Variants in ALCAM observed in about 807,000 individuals in gnomAD.
The protein encoded by ALCAM is activated leukocyte cell adhesion molecule.
In ALCAM, 30 loss-of-function variants were observed where a neutral mutation model predicts 70.9. The observed-to-expected ratio is 0.42, with a 90% CI of 0.32 to 0.57. ALCAM has a LOEUF of 0.57. Ranked by LOEUF, ALCAM falls within the 20% of genes least tolerant of loss-of-function variation. The pLI is 0.11. For synonymous variants in ALCAM, 249 were observed against 242.5 expected (o/e 1.03, Z -0.25); for missense variants, 591 against 695.1 (o/e 0.85, Z 1.68).
At chr3:105,420,913 G>A (rs1936634058) in intron 1 of ALCAM, among the ~76,000 whole-genome samples, 2 of 151,508 alleles carry the variant, frequency 1.3e-5, no homozygotes, top group South Asian at 4.2e-4. Context: ...TAATCTCTGA[G>A]GAAGAGTATT....
At chr3:105,369,608 C>G (rs1014795587) in intron 1 of ALCAM, among the ~76,000 whole-genome samples, 3 of 152,212 alleles carry the variant, frequency 2.0e-5, no homozygotes, top group African/African-American at 7.2e-5. Context: ...TCTTCGGAGC[C>G]CTCTGCATAG....
intron 3 of ALCAM, among the ~76,000 whole-genome samples, chr3:105,526,301 AAC>A (rs1317907362): frequency 3.0e-4 from 45 of 152,234 alleles, no homozygotes; most frequent in Non-Finnish European, 5.1e-4. Flanking sequence ...AAAAAAAAAA[AAC>A]ATTAAGCTAT....
At chr3:105,422,628 GTCATT>G (rs1936696551) in intron 1 of ALCAM, among the ~76,000 whole-genome samples, 1 of 151,412 alleles carries the variant, frequency 6.6e-6, no homozygotes, top group Non-Finnish European at 1.5e-5. Context: ...GCTAAATGTT[GTCATT>G]ATGGTACAGT....
chr3:105,385,879 C>T (rs1325625105), intron 1 of ALCAM, among the ~76,000 whole-genome samples: 1 of 151,592 alleles, frequency 6.6e-6, no homozygotes, highest in Non-Finnish European at 1.5e-5. Context: ...CACATGTTGG[C>T]TTTCAACAGA....
At chr3:105,379,021 T>G (rs1260168597) in intron 1 of ALCAM, among the ~76,000 whole-genome samples, 1 of 151,988 alleles carries the variant, frequency 6.6e-6, no homozygotes, top group African/African-American at 2.4e-5. Context: ...TAGCATAGAT[T>G]TCTTTATATA....
At chr3:105,402,938 C>CTTTTTTTTTTTTTTT (rs58126212) in intron 1 of ALCAM, among the ~76,000 whole-genome samples, 1 of 117,254 alleles carries the variant, frequency 8.5e-6, no homozygotes, top group African/African-American at 3.1e-5. Flanking sequence ...AGCTGATGCG[C>CTTTTTTTTTTTTTTT]TTTTTTTTTT....
intron 1 of ALCAM, among the ~76,000 whole-genome samples, chr3:105,499,620 TTC>T (rs1576204036): frequency 6.6e-6 from 1 of 152,208 alleles, no homozygotes; most frequent in Non-Finnish European, 1.5e-5. Context: ...ACAAATTAAT[TTC>T]TGTTTGTTGA....
At position 105,426,244 on chromosome 3, in the gene ALCAM, G is replaced by A. The variant is rs74396808; in HGVS notation, c.73+58763G>A. Among the ~76,000 whole-genome samples the A allele has an allele frequency of 5.3e-3, 810 of 151,930 alleles. 8 individuals are homozygous for A. The highest frequency in any genetic ancestry group is 0.019 in the African/African-American group (781 of 41,480). Reference sequence around the variant, plus strand: ...TTAAATTAAATGATCTTTTTACCTAGTGTCAAATCAAAAGAATCACATTTC... The same window carrying A: ...TTAAATTAAATGATCTTTTTACCTAATGTCAAATCAAAAGAATCACATTTC... On this transcript the variant is annotated intron_variant, in intron 1 of 15. Coordinates refer to ENST00000306107, the MANE Select transcript of ALCAM (RefSeq NM_001627.4).
intron 14 of ALCAM, among the ~76,000 whole-genome samples, chr3:105,563,481 T>C (rs1197233402): frequency 6.6e-6 from 1 of 151,626 alleles, no homozygotes; most frequent in East Asian, 1.9e-4. Context: ...ATAAAAATTT[T>C]GATTCTTAGT....
intron 1 of ALCAM, among the ~76,000 whole-genome samples, chr3:105,457,339 T>C (rs765149198): frequency 6.6e-6 from 1 of 152,074 alleles, no homozygotes; most frequent in Non-Finnish European, 1.5e-5. Flanking sequence ...TTCTCACTTA[T>C]AAGTGGGAGC....
chr3:105,539,076 T>C (rs1457562738), intron 6 of ALCAM, among the ~76,000 whole-genome samples: 1 of 152,136 alleles, frequency 6.6e-6, no homozygotes, highest in Non-Finnish European at 1.5e-5. Context: ...TTTGGAAATA[T>C]ATACACATGC....
At chr3:105,553,894 C>G (rs1303923434) in intron 14 of ALCAM, among the ~76,000 whole-genome samples, 1 of 151,884 alleles carries the variant, frequency 6.6e-6, no homozygotes, top group Admixed American at 6.6e-5. Context: ...ACCATACTTT[C>G]TCTCACTTGC....
At chr3:105,533,979 T>C (rs1939908337) in intron 5 of ALCAM, among the ~76,000 whole-genome samples, 1 of 152,150 alleles carries the variant, frequency 6.6e-6, no homozygotes, top group African/African-American at 2.4e-5. Flanking sequence ...AGCTTGTTTT[T>C]CTGGAACTAG....
intron 4 of ALCAM, among the ~76,000 whole-genome samples, chr3:105,532,925 C>T (rs1422215973): frequency 6.6e-6 from 1 of 152,080 alleles, no homozygotes; most frequent in Non-Finnish European, 1.5e-5. Flanking sequence ...ATTCGAACAA[C>T]ACATTAGCAG....
Position 105,541,755 on chromosome 3 carries a change from C to CA in ALCAM, c.982dup (p.Thr328AsnfsTer17). On this transcript the variant is annotated frameshift_variant, in exon 8 of 16. Coordinates refer to ENST00000306107, the MANE Select transcript of ALCAM (RefSeq NM_001627.4). LOFTEE classifies it high-confidence loss of function. The stretch of plus-strand genomic sequence containing the variant: ...AAAGCATGATTGCTTCAACAGCTAT[C>CA]ACAGTTCACTGTAAGTCACCTACTT... 1.2e-6 allele frequency: 2 copies of CA among 1,611,880 alleles called. No homozygotes were observed. The highest frequency in any genetic ancestry group is 1.7e-6 in the Non-Finnish European group (2 of 1,178,560).
intron 1 of ALCAM, among the ~76,000 whole-genome samples, chr3:105,502,374 C>G (rs936348980): frequency 3.3e-5 from 5 of 152,096 alleles, no homozygotes; most frequent in Admixed American, 6.5e-5. Context: ...TAGTGGCAGA[C>G]AGCATTGTAA....
chr3:105,544,704 A>G (rs760895939), intron 8 of ALCAM: 3 of 163,058 alleles, frequency 1.8e-5, no homozygotes, highest in Non-Finnish European at 4.0e-5. Context: ...ATTGTTTTCC[A>G]TCAACTGGAT....
intron 1 of ALCAM, among the ~76,000 whole-genome samples, chr3:105,478,745 T>C (rs1938188900): frequency 6.6e-6 from 1 of 152,144 alleles, no homozygotes; most frequent in African/African-American, 2.4e-5. Flanking sequence ...TTTTAGCCAC[T>C]TTGTATACAT....
intron 1 of ALCAM, among the ~76,000 whole-genome samples, chr3:105,481,281 C>T (rs187145006): frequency 2.7e-3 from 414 of 152,058 alleles, no homozygotes; most frequent in Non-Finnish European, 4.6e-3. Context: ...AAACTGAGTC[C>T]GTAACTATAG....
Sources: gnomAD v4.1 joint callset for allele counts (sites outside exome capture counted in the v4.1 genomes callset) on GRCh38, gnomAD v4.1.1 for gene constraint, MANE v1.5 for transcripts, NCBI Gene and HGNC (gene_info 2026-07-23, HGNC 2026-07-21) for gene names.